The following ATP10B variants were observed in gnomAD, a reference collection of about 807,000 sequenced individuals.
ATP10B encodes phospholipid-transporting ATPase VB.
In ATP10B, 122 loss-of-function variants were observed where a neutral mutation model predicts 141.2. That is an observed-to-expected ratio of 0.86 (90% CI 0.75 to 1.00). The LOEUF (loss-of-function observed/expected upper bound fraction) is 1.00. ATP10B is among the 50% of genes least tolerant of loss of function. The probability of loss-of-function intolerance (pLI) is 0.00; values close to 1 mark genes in which losing one functional copy is unlikely to be tolerated. For synonymous variants in ATP10B, 685 were observed against 692.0 expected, an observed-to-expected ratio of 0.99 and a Z score of 0.16; for missense variants, 1,876 against 1,825.3, an observed-to-expected ratio of 1.03 and a Z score of -0.51.
intron 6 of ATP10B, among the ~76,000 whole-genome samples, chr5:160,674,628 G>C (rs1179939566): frequency 6.6e-6 from 1 of 152,112 alleles, no homozygotes; most frequent in Non-Finnish European, 1.5e-5. Flanking sequence ...ACTGTTGTGG[G>C]TTTGCCTTCC....
At chr5:160,851,213 T>G (rs888179429) in intron 1 of ATP10B, among the ~76,000 whole-genome samples, 1 of 152,204 alleles carries the variant, frequency 6.6e-6, no homozygotes, top group African/African-American at 2.4e-5. Context: ...GACACAGGCA[T>G]GCACTCCTGT....
chr5:160,857,634 A>G, the ATP10B span, among the ~76,000 whole-genome samples: 1 of 151,908 alleles, frequency 6.6e-6, no homozygotes, highest in Admixed American at 6.6e-5. Flanking sequence ...CTTTTCTAGC[A>G]TAGGCATTTA....
At chr5:160,855,026 T>C (rs919070040), upstream of ATP10B, among the ~76,000 whole-genome samples, 2 of 152,148 alleles carry the variant, frequency 1.3e-5, no homozygotes, top group Non-Finnish European at 2.9e-5. Context: ...TCCAGCTCTG[T>C]TATAAAGTTG....
At position 160,566,022 on chromosome 5, in the gene ATP10B, T is replaced by G. The variant is rs1000725702; in HGVS notation, c.3939-122A>C. 1.2e-4 allele frequency: 112 copies of G among 896,730 alleles called. No homozygotes were observed. In the South Asian group the frequency reaches 1.9e-3, roughly 15 times the overall value. 55.5% of individuals were successfully genotyped at this position (896,730 alleles called of 1,614,324 possible). A position where few individuals can be genotyped will look rare whatever the true frequency, so the allele number is the denominator to read the frequency against. ...GGAGCAAGATCCTCTTTACTGCTATTAAATCCATGTCTGGGCACCTCTAGT... is the reference window on the plus strand; with the variant it reads ...GGAGCAAGATCCTCTTTACTGCTATGAAATCCATGTCTGGGCACCTCTAGT... On this transcript the variant is annotated intron_variant, in intron 25 of 25. Coordinates refer to ENST00000327245, the MANE Select transcript of ATP10B (RefSeq NM_025153.3).
chr5:160,869,399 T>C, the ATP10B span, among the ~76,000 whole-genome samples: 1 of 151,782 alleles, frequency 6.6e-6, no homozygotes, highest in Non-Finnish European at 1.5e-5. Context: ...AAATATTATT[T>C]AAAAAGCCTG....
intron 1 of ATP10B, among the ~76,000 whole-genome samples, chr5:160,788,934 A>C (rs764714006): frequency 6.6e-6 from 1 of 152,192 alleles, no homozygotes. Flanking sequence ...TGTGCTAGGC[A>C]TCGGTATGTG....
intron 1 of ATP10B, among the ~76,000 whole-genome samples, chr5:160,832,683 C>A (rs993668487): frequency 2.6e-5 from 4 of 152,052 alleles, no homozygotes; most frequent in South Asian, 2.1e-4. Context: ...AAATAAGCCA[C>A]ACGATTATAC....
At chr5:160,825,261 A>C (rs906574807) in intron 1 of ATP10B, among the ~76,000 whole-genome samples, 3 of 152,166 alleles carry the variant, frequency 2.0e-5, no homozygotes, top group Non-Finnish European at 4.4e-5. Flanking sequence ...TGTCCACCCA[A>C]ATCTCATCTT....
the ATP10B span, among the ~76,000 whole-genome samples, chr5:160,890,031 A>G: frequency 6.6e-6 from 1 of 151,674 alleles, no homozygotes; most frequent in African/African-American, 2.4e-5. Context: ...GCCTTCCCTG[A>G]CTCCCTCCTG....
chr5:160,568,705 T>A (rs941955834), intron 25 of ATP10B, among the ~76,000 whole-genome samples: 3 of 152,164 alleles, frequency 2.0e-5, no homozygotes, highest in Non-Finnish European at 4.4e-5. Context: ...AGTGGGGTAC[T>A]AGAACCATAG....
In ATP10B at chr5:160,652,923, T is replaced by TAC. The variant is rs1245137574; in HGVS notation, c.676-3668_676-3667insGT. On this transcript the variant is annotated intron_variant, in intron 7 of 25. Coordinates refer to ENST00000327245, the MANE Select transcript of ATP10B (RefSeq NM_025153.3). ...ATATTATATATACATGTATATATAA[T>TAC]ATATTATATATACATGTATATATAA... 4.4e-4 allele frequency among the ~76,000 whole-genome samples: 36 copies of TAC among 81,532 alleles called. 1 individual carries two copies. Among genetic ancestry groups the TAC allele is most frequent in the South Asian group, 1.4e-3 (4 of 2,956 alleles). The allele number at this position is 81,532 out of a possible 152,430, so 53.5% of individuals were successfully genotyped here. A position where few individuals can be genotyped will look rare whatever the true frequency, so the allele number is the denominator to read the frequency against.
chr5:160,613,086 CCT>C lies in ATP10B; in HGVS notation c.2654-163_2654-162del, dbSNP rs543178106. Among the ~76,000 whole-genome samples, 182 of 152,284 alleles carry C rather than the reference CCT, an allele frequency of 1.2e-3. 1 individual carries two copies. The highest frequency in any genetic ancestry group is 4.3e-3 in the African/African-American group (179 of 41,538). ...GTGAACTAGATGGAGCAGGTCTCTA[CCT>C]CTGAGTTCAATGGTCATTGAATAAG... On this transcript the variant is annotated intron_variant, in intron 17 of 25. Coordinates refer to ENST00000327245, the MANE Select transcript of ATP10B (RefSeq NM_025153.3).
At chr5:160,661,273 C>G (rs750146121) in intron 7 of ATP10B, among the ~76,000 whole-genome samples, 1 of 151,538 alleles carries the variant, frequency 6.6e-6, no homozygotes. Flanking sequence ...GCAACAAAAA[C>G]TATGCATTAA....
intron 2 of ATP10B, among the ~76,000 whole-genome samples, chr5:160,782,334 T>C (rs1012950695): frequency 6.6e-6 from 1 of 152,124 alleles, no homozygotes; most frequent in Non-Finnish European, 1.5e-5. Context: ...AACGGTTGTC[T>C]GCAATAACAG....
intron 10 of ATP10B, among the ~76,000 whole-genome samples, chr5:160,638,897 CTT>C (rs904410671): frequency 6.6e-6 from 1 of 152,128 alleles, no homozygotes; most frequent in Non-Finnish European, 1.5e-5. Context: ...CTTGGCCCCT[CTT>C]TATCTACACT....
intron 3 of ATP10B, among the ~76,000 whole-genome samples, chr5:160,707,784 T>C (rs760261199): frequency 9.9e-5 from 15 of 152,038 alleles, no homozygotes; most frequent in Non-Finnish European, 1.8e-4. Context: ...CAAAAAAGAA[T>C]TGGGAAGAAA....
chr5:160,643,061 C>T (rs1275763366), intron 9 of ATP10B, among the ~76,000 whole-genome samples: 1 of 151,754 alleles, frequency 6.6e-6, no homozygotes, highest in Non-Finnish European at 1.5e-5. Context: ...ATAGGTTTAC[C>T]AGATGGTGTT....
rs544092840 is a variant in ATP10B at position 160,814,355 on chromosome 5, C to T, written c.-575-28552G>A. ...TGATGAATGCACAAGCCTCAGTAGC[C>T]GATTCGATCAACTGGAAGAAAGGGT... On this transcript the variant is annotated intron_variant, in intron 1 of 25. Transcript: ENST00000327245. Among the ~76,000 whole-genome samples the T allele has an allele frequency of 1.3e-3, 201 of 152,066 alleles. 1 individual carries two copies. The highest frequency in any genetic ancestry group is 3.7e-3 in the African/African-American group (155 of 41,488).
intron 1 of ATP10B, among the ~76,000 whole-genome samples, chr5:160,806,504 C>T (rs1309592346): frequency 6.6e-6 from 1 of 152,190 alleles, no homozygotes; most frequent in Non-Finnish European, 1.5e-5. Context: ...AAAATGCAAG[C>T]TGAGAGTGGG....
Sources: allele counts gnomAD v4.1 joint callset (sites outside exome capture counted in the v4.1 genomes callset), GRCh38; gene constraint gnomAD v4.1.1; transcripts MANE v1.5; gene names NCBI Gene and HGNC (gene_info 2026-07-23, HGNC 2026-07-21).